Variants in MAP4K5 observed in about 807,000 individuals in gnomAD.
The protein encoded by MAP4K5 is mitogen-activated protein kinase kinase kinase kinase 5.
In MAP4K5, 82 loss-of-function variants were observed where a neutral mutation model predicts 135.6. That is an observed-to-expected ratio of 0.60 (90% confidence interval 0.51 to 0.73). The LOEUF is 0.73. Ranked by LOEUF, MAP4K5 falls within the 30% of genes least tolerant of loss-of-function variation. MAP4K5 has a pLI of 0.00. For missense variants in MAP4K5, 907 were observed against 1,010.9 expected (o/e 0.90, Z 1.39); for synonymous variants, 347 against 335.0 (o/e 1.04, Z -0.39).
At chr14:50,537,024 A>G (rs971686231), upstream of MAP4K5, among the ~76,000 whole-genome samples, 1 of 152,268 alleles carries the variant, frequency 6.6e-6, no homozygotes, top group African/African-American at 2.4e-5. Flanking sequence ...TTCCAAAGAC[A>G]ATGGGGAAAA....
At chr14:50,499,828 T>C (rs2037670778) in intron 3 of MAP4K5, among the ~76,000 whole-genome samples, 2 of 152,118 alleles carry the variant, frequency 1.3e-5, no homozygotes, top group African/African-American at 2.4e-5. Context: ...CTGTAGAAAA[T>C]TATTGAGACC....
At chr14:50,484,911 A>ATTATAAAATT (rs2037331036) in intron 5 of MAP4K5, among the ~76,000 whole-genome samples, 1 of 152,194 alleles carries the variant, frequency 6.6e-6, no homozygotes, top group African/African-American at 2.4e-5. Flanking sequence ...TTATAAAATA[A>ATTATAAAATT]GTAGCTGCAA....
intron 2 of MAP4K5, among the ~76,000 whole-genome samples, chr14:50,520,757 C>A (rs571185680): frequency 3.2e-4 from 48 of 151,236 alleles, no homozygotes; most frequent in Non-Finnish European, 6.5e-4. Flanking sequence ...ATGCAGCAAC[C>A]AAAAACGGGA....
chr14:50,537,376 C>T (rs2038507401), upstream of MAP4K5, among the ~76,000 whole-genome samples: 1 of 152,228 alleles, frequency 6.6e-6, no homozygotes, highest in Non-Finnish European at 1.5e-5. Context: ...AAGTTTTCTG[C>T]AGGGGTAGTG....
At chr14:50,447,166 T>C (rs1425626118) in intron 16 of MAP4K5, among the ~76,000 whole-genome samples, 1 of 152,182 alleles carries the variant, frequency 6.6e-6, no homozygotes, top group African/African-American at 2.4e-5. Context: ...TTTTTTCCCA[T>C]GACATCATGT....
intron 3 of MAP4K5, 53 bp downstream of exon 3, chr14:50,504,747 G>A (rs1370119911): frequency 3.6e-5 from 46 of 1,268,430 alleles, no homozygotes; most frequent in Non-Finnish European, 5.0e-5. Flanking sequence ...AGGGAAACAA[G>A]GAAAGAAATA....
At position 50,443,992 on chromosome 14, in the gene MAP4K5, C is replaced by T. The variant is rs1447905978; in HGVS notation, c.1384G>A (p.Gly462Arg). ...GGTAACTGTGGTGCTTGTGCTGATC[C>T]TTCTGTATTTTCACTCATCAGTTTT... ...ISKLMSENTE[G>R]SAQAPQLPRK... Residue 462 changes from glycine to arginine, a missense_variant, in exon 19 of 33, where the codon GGA becomes AGA. This residue lies in a region of MAP4K5 where 690 missense variants were observed against 777.4 expected (regional missense o/e 0.89). Transcript: ENST00000682126. The T allele has an allele frequency of 1.2e-6, 2 of 1,608,434 alleles. No homozygotes were observed. Among genetic ancestry groups the T allele is most frequent in the Admixed American group, 3.4e-5 (2 of 59,258 alleles).
At position 50,429,226 on chromosome 14, in the gene MAP4K5, C is replaced by T; in HGVS notation, c.2199G>A (p.Gln733=). The change falls in exon 29 of 33, where the codon CAG becomes CAA. Residue 733 remains glutamine (Q), a synonymous_variant. Transcript: ENST00000682126. ...ACACTAAAACGGTATCTCTCTCCAA[C>T]TGTGTTACATGAATGGAATCTAACT... ...SQQLDSIHVT[Q]LERDTVLVCL... is the part of the protein sequence containing the mutation. 6.4e-7 allele frequency: 1 copy of T among 1,563,708 alleles called. No homozygotes were observed. The highest frequency in any genetic ancestry group is 1.2e-5 in the South Asian group (1 of 84,636).
At chr14:50,432,649 A>G (rs2035999221) in intron 28 of MAP4K5, among the ~76,000 whole-genome samples, 1 of 152,142 alleles carries the variant, frequency 6.6e-6, no homozygotes, top group South Asian at 2.1e-4. Flanking sequence ...TGCCTTGAAC[A>G]ATATAACCTT....
intron 3 of MAP4K5, among the ~76,000 whole-genome samples, chr14:50,489,791 G>A (rs1181505980): frequency 1.3e-5 from 2 of 152,022 alleles, no homozygotes; most frequent in Admixed American, 1.3e-4. Flanking sequence ...ATGGAGACTC[G>A]GTCAGTTGTC....
At chr14:50,503,179 C>T (rs944601222) in intron 3 of MAP4K5, among the ~76,000 whole-genome samples, 1 of 151,596 alleles carries the variant, frequency 6.6e-6, no homozygotes, top group African/African-American at 2.4e-5. Flanking sequence ...CCCCAAAATG[C>T]AAACAGCATC....
chr14:50,483,477 A>C (rs989898221), intron 5 of MAP4K5, among the ~76,000 whole-genome samples: 1 of 152,090 alleles, frequency 6.6e-6, no homozygotes, highest in Non-Finnish European at 1.5e-5. Flanking sequence ...CCCATTCAGG[A>C]ACATAAATTT....
chr14:50,490,610 C>T (rs2037463245), intron 3 of MAP4K5, among the ~76,000 whole-genome samples: 2 of 152,198 alleles, frequency 1.3e-5, no homozygotes, highest in African/African-American at 4.8e-5. Context: ...TCTAAGCCAC[C>T]TTCTGCCTAG....
chr14:50,507,794 C>T (rs991880099), intron 2 of MAP4K5, among the ~76,000 whole-genome samples: 16 of 152,048 alleles, frequency 1.1e-4, no homozygotes, highest in African/African-American at 3.6e-4. Context: ...GGAATAAGTG[C>T]GATGTGGTGC....
chr14:50,500,292 C>T (rs1242677871), intron 3 of MAP4K5, among the ~76,000 whole-genome samples: 1 of 152,142 alleles, frequency 6.6e-6, no homozygotes, highest in Non-Finnish European at 1.5e-5. Context: ...GTGTCCTATG[C>T]AGCGAACTAA....
At chr14:50,475,300 G>A (rs1297825834) in intron 8 of MAP4K5, among the ~76,000 whole-genome samples, 151 bp from the exon 9 acceptor site, 1 of 151,972 alleles carries the variant, frequency 6.6e-6, no homozygotes, top group Non-Finnish European at 1.5e-5. Context: ...TTCTTGCTTA[G>A]TTCACAACAT....
chr14:50,461,579 G>C (rs1482437844), intron 13 of MAP4K5, among the ~76,000 whole-genome samples: 1 of 152,104 alleles, frequency 6.6e-6, no homozygotes. Flanking sequence ...TGTCAATGAA[G>C]AGGAAGTCTC....
chr14:50,421,103 T>C (rs1423740826), intron 32 of MAP4K5, among the ~76,000 whole-genome samples: 4 of 152,160 alleles, frequency 2.6e-5, no homozygotes, highest in Non-Finnish European at 1.5e-5. Flanking sequence ...AAATCATAGA[T>C]ACTTTATATT....
At chr14:50,425,195 C>T (rs2035819628) in intron 31 of MAP4K5, among the ~76,000 whole-genome samples, 1 of 152,158 alleles carries the variant, frequency 6.6e-6, no homozygotes, top group African/African-American at 2.4e-5. Flanking sequence ...ACTCATTCCT[C>T]AAATTGGAGG....
Sources: gnomAD v4.1 joint callset for allele counts (sites outside exome capture counted in the v4.1 genomes callset) on GRCh38, gnomAD v4.1.1 for gene constraint, gnomAD v4.1.1 regional missense constraint, MANE v1.5 for transcripts, NCBI Gene and HGNC (gene_info 2026-07-23, HGNC 2026-07-21) for gene names.